Variants in SPPL2A observed in about 807,000 individuals in gnomAD.
SPPL2A encodes signal peptide peptidase-like 2A.
A neutral mutation model predicts 63.8 loss-of-function variants in SPPL2A; 51 were observed. The observed-to-expected ratio is 0.80, with a 90% CI of 0.64 to 1.01. The LOEUF (loss-of-function observed/expected upper bound fraction) is 1.01, where lower values mean the gene tolerates loss of function less well. Among genes scored for constraint, SPPL2A ranks in the 50% least tolerant of loss-of-function variants. SPPL2A has a pLI of 0.00. For synonymous variants in SPPL2A, 188 were observed against 205.8 expected (o/e 0.91, Z 0.74); for missense variants, 553 against 622.7 (o/e 0.89, Z 1.19).
At chr15:50,759,721 C>T (rs905581461) in intron 1 of SPPL2A, among the ~76,000 whole-genome samples, 13 of 147,866 alleles carry the variant, frequency 8.8e-5, no homozygotes, top group Non-Finnish European at 1.3e-4. Context: ...CTAGCCTGGG[C>T]GACAGAACGA....
chr15:50,723,648 G>A (rs984180667), intron 12 of SPPL2A, among the ~76,000 whole-genome samples: 5 of 152,116 alleles, frequency 3.3e-5, no homozygotes, highest in Admixed American at 3.3e-4. Flanking sequence ...GCTAATTTTT[G>A]TATTTTTAGT....
In SPPL2A at chr15:50,720,004, G is replaced by C. The variant is rs145209254; in HGVS notation, c.1424C>G (p.Thr475Ser). Residue 475 changes from threonine (T) to serine (S), a missense_variant, in exon 14 of 15, where the codon ACT (threonine) becomes AGT (serine). Physicochemically the swap from Thr to Ser is moderately conservative, Grantham distance 58. Transcript: ENST00000261854. ...LLYLVPCTLI[T>S]ASVVAWRRKE... ...ACGTCTCCAGGCAACAACTGAGGCAGTAATAAGTGTGCAAGGTACTAAATA... is the reference window on the plus strand; with the variant it reads ...ACGTCTCCAGGCAACAACTGAGGCACTAATAAGTGTGCAAGGTACTAAATA... 0.011 allele frequency: 17,939 copies of C among 1,613,522 alleles called. 118 individuals carry two copies. The highest frequency in any genetic ancestry group is 0.019 in the East Asian group (841 of 44,854).
At chr15:50,758,789 A>G (rs2062983631) in intron 1 of SPPL2A, among the ~76,000 whole-genome samples, 1 of 152,176 alleles carries the variant, frequency 6.6e-6, no homozygotes, top group Non-Finnish European at 1.5e-5. Context: ...TACTATCTTC[A>G]GGGAAGGGCC....
In SPPL2A at chr15:50,739,834, C is replaced by T; in HGVS notation, c.585-6G>A. ...TCACTGCTTTCAAGTTTTCCCTGTACAAACACACAGGAACTTTAGCAAATC... is the reference window on the plus strand; with the variant it reads ...TCACTGCTTTCAAGTTTTCCCTGTATAAACACACAGGAACTTTAGCAAATC... On this transcript the variant is annotated splice_polypyrimidine_tract_variant and splice_region_variant and intron_variant, in intron 5 of 14. Transcript: ENST00000261854. 1 of 1,586,494 alleles carries T rather than the reference C, an allele frequency of 6.3e-7. No homozygotes were observed. Among genetic ancestry groups the T allele is most frequent in the East Asian group, 2.3e-5 (1 of 42,580 alleles).
At position 50,747,568 on chromosome 15, in the gene SPPL2A, T is replaced by G; in HGVS notation, c.511A>C (p.Thr171Pro). Residue 171 changes from threonine to proline, a missense_variant, in exon 5 of 15, where the codon ACT (threonine) becomes CCT (proline). Transcript: ENST00000261854. The stretch of plus-strand genomic sequence containing the variant: ...GCAATTACAAAAATAACCACCATAG[T>G]ATAATCAAAGTTAGGCCACGATGGA... Reference protein sequence around the residue: ...YSPSWPNFDYTMVVIFVIAVF... With the variant: ...YSPSWPNFDYPMVVIFVIAVF... 1 of 1,610,958 alleles carries G rather than the reference T, an allele frequency of 6.2e-7. No homozygotes were observed. Among genetic ancestry groups the G allele is most frequent in the Non-Finnish European group, 8.5e-7 (1 of 1,177,218 alleles).
At chr15:50,708,796 G>A (rs1363428387) in intron 14 of SPPL2A, among the ~76,000 whole-genome samples, 2 of 152,042 alleles carry the variant, frequency 1.3e-5, no homozygotes, top group African/African-American at 4.8e-5. Context: ...CACTTTGGGA[G>A]GCCGAAGTGG....
chr15:50,735,662 G>A (rs1383318409), intron 8 of SPPL2A, among the ~76,000 whole-genome samples: 6 of 151,846 alleles, frequency 4.0e-5, no homozygotes, highest in African/African-American at 1.5e-4. Context: ...TGCAACCTCC[G>A]CCTCCCGGGT....
chr15:50,748,287 GTCTT>G (rs1267373553), intron 3 of SPPL2A, 85 bp from the exon 4 acceptor site: 16 of 538,664 alleles, frequency 3.0e-5, no homozygotes, highest in East Asian at 2.1e-4. Context: ...TAAATATTAC[GTCTT>G]TCTTTAAGTT....
rs1038948965 is a variant in SPPL2A, at chr15:50,704,407, C to T, written c.*3393G>A. The T allele has an allele frequency of 2.0e-5, 3 of 150,218 alleles. No individual in the cohort carries two copies. Among genetic ancestry groups the T allele is most frequent in the Admixed American group, 2.0e-4 (3 of 15,042 alleles). 9.3% of individuals were successfully genotyped at this position (150,218 alleles called of 1,614,324 possible). ...ATATAATGTATTAGAATATCAAGGTCTTTCCCCACAAGCCTCACATTTATT... is the reference window on the plus strand; with the variant it reads ...ATATAATGTATTAGAATATCAAGGTTTTTCCCCACAAGCCTCACATTTATT... On this transcript the variant is annotated 3_prime_UTR_variant, in exon 15 of 15. Transcript: ENST00000261854.
intron 14 of SPPL2A, among the ~76,000 whole-genome samples, chr15:50,710,391 A>G (rs1279048004): frequency 1.3e-5 from 2 of 152,140 alleles, no homozygotes; most frequent in African/African-American, 4.8e-5. Flanking sequence ...TAAAAAAACC[A>G]CTTTCAAAGT....
chr15:50,736,347 C>T (rs970217254), intron 7 of SPPL2A, 145 bp from the exon 8 acceptor site: 21 of 622,390 alleles, frequency 3.4e-5, no homozygotes, highest in East Asian at 8.3e-5. Flanking sequence ...ACAAATGAGA[C>T]GTAATAAAAT....
chr15:50,709,357 G>C (rs1056962274), intron 14 of SPPL2A, among the ~76,000 whole-genome samples: 1 of 152,164 alleles, frequency 6.6e-6, no homozygotes, highest in Non-Finnish European at 1.5e-5. Flanking sequence ...TGGTTCTGAA[G>C]GCTTTAGTGT....
At chr15:50,754,977 G>A (rs1410398111) in intron 1 of SPPL2A, among the ~76,000 whole-genome samples, 2 of 150,640 alleles carry the variant, frequency 1.3e-5, no homozygotes, top group East Asian at 2.0e-4. Flanking sequence ...AGTGAAACTC[G>A]GTCTCAAAAA....
intron 1 of SPPL2A, among the ~76,000 whole-genome samples, chr15:50,758,502 G>C (rs2062980610): frequency 6.6e-6 from 1 of 150,646 alleles, no homozygotes; most frequent in Non-Finnish European, 1.5e-5. Context: ...CCATTTTTTT[G>C]TATTTTTAGT....
chr15:50,755,627 C>CAAAAAA (rs148415568), intron 1 of SPPL2A, among the ~76,000 whole-genome samples: 10 of 49,546 alleles, frequency 2.0e-4, no homozygotes, highest in East Asian at 4.8e-4. Flanking sequence ...CACCCTGTCT[C>CAAAAAA]AAAAAAAAAA....
At chr15:50,721,609 T>A (rs145399230) in intron 13 of SPPL2A, among the ~76,000 whole-genome samples, 36,679 of 147,040 alleles carry the variant, frequency 0.25, 5,275 homozygotes, top group East Asian at 0.54. Context: ...CAAAAATAAT[T>A]TTTTTTTTTT....
rs200572932 is a variant in SPPL2A, at chr15:50,732,622, A to G, written c.995T>C (p.Leu332Pro). The G allele has an allele frequency of 6.0e-4, 969 of 1,606,880 alleles. 1 individual carries two copies. The highest frequency in any genetic ancestry group is 7.4e-4 in the Non-Finnish European group (872 of 1,174,174). ...CATTACCTTGAAGTTGGGCAACTTC[A>G]GTGTTTTAATTAAATTCAGACAGAA... is the stretch of plus-strand genomic sequence containing the variant. The part of the protein sequence containing the change: ...IAFCLNLIKT[L>P]KLPNFKSCVI... The change falls in exon 9 of 15, where the codon CTG becomes CCG. Residue 332 changes from leucine to proline, a missense_variant. Leu to Pro is a moderately conservative substitution (Grantham distance 98). Coordinates refer to ENST00000261854, the MANE Select transcript of SPPL2A (RefSeq NM_032802.4).
chr15:50,732,332 A>AG (rs943177591), intron 9 of SPPL2A, among the ~76,000 whole-genome samples: 12 of 466 alleles, frequency 0.026, no homozygotes, highest in African/African-American at 0.11. Flanking sequence ...AATAAAAGAA[A>AG]GAAAAAAAAA....
At chr15:50,712,976 G>C (rs2062571865) in intron 14 of SPPL2A, among the ~76,000 whole-genome samples, 2 of 151,972 alleles carry the variant, frequency 1.3e-5, no homozygotes, top group Admixed American at 1.3e-4. Flanking sequence ...GAGCCATCAT[G>C]TCCGGCCCCA....
Sources: allele counts gnomAD v4.1 joint callset (sites outside exome capture counted in the v4.1 genomes callset), GRCh38; gene constraint gnomAD v4.1.1; transcripts MANE v1.5; gene names NCBI Gene and HGNC (gene_info 2026-07-23, HGNC 2026-07-21).